Variants in SLC4A10 observed in about 807,000 individuals in gnomAD.
SLC4A10 encodes the protein solute carrier family 4 member 10.
Under a neutral mutation model 137.7 loss-of-function variants are expected in SLC4A10, and 42 were observed. The ratio of observed to expected loss-of-function variants is 0.30; its 90% confidence interval spans 0.24 to 0.39. The LOEUF (loss-of-function observed/expected upper bound fraction) is 0.39. SLC4A10 is among the 10% of genes least tolerant of loss of function. SLC4A10 has a pLI of 1.00. For missense variants in SLC4A10, 925 were observed against 1,355.0 expected (o/e 0.68, Z 4.98); for synonymous variants, 474 against 464.1 (o/e 1.02, Z -0.27).
chr2:161,713,824 C>T (rs975339163), intron 1 of SLC4A10, among the ~76,000 whole-genome samples: 5 of 151,832 alleles, frequency 3.3e-5, no homozygotes, highest in South Asian at 4.2e-4. Flanking sequence ...CCTTCTTCTA[C>T]TCCATACACC....
At chr2:161,748,053 T>C (rs1234926520) in intron 1 of SLC4A10, among the ~76,000 whole-genome samples, 1 of 152,174 alleles carries the variant, frequency 6.6e-6, no homozygotes, top group Non-Finnish European at 1.5e-5. Context: ...GCTCGTCATT[T>C]TTATGTCTTC....
At chr2:161,796,510 C>T (rs961780454) in intron 2 of SLC4A10, among the ~76,000 whole-genome samples, 8 of 152,146 alleles carry the variant, frequency 5.3e-5, no homozygotes, top group Admixed American at 3.3e-4. Context: ...CAGGTAAGAA[C>T]CTATGCATAA....
chr2:161,808,671 G>A (rs926916924), intron 3 of SLC4A10, among the ~76,000 whole-genome samples: 6 of 152,082 alleles, frequency 3.9e-5, no homozygotes, highest in Admixed American at 1.3e-4. Context: ...TGCAGTATTT[G>A]GTTTTCTGTT....
At chr2:161,643,966 A>T (rs3849340) in intron 1 of SLC4A10, among the ~76,000 whole-genome samples, 133,318 of 152,064 alleles carry the variant, frequency 0.88, 58,963 homozygotes, top group East Asian at 1. Context: ...ATAATTCATG[A>T]TTATGATGGC....
At chr2:161,832,962 G>T (rs2058531198) in intron 3 of SLC4A10, among the ~76,000 whole-genome samples, 1 of 152,224 alleles carries the variant, frequency 6.6e-6, no homozygotes, top group East Asian at 1.9e-4. Context: ...GGATGGTCTC[G>T]ATCTGCTGAC....
chr2:161,924,999 A>C (rs1012958680), intron 15 of SLC4A10, among the ~76,000 whole-genome samples: 1 of 152,164 alleles, frequency 6.6e-6, no homozygotes, highest in African/African-American at 2.4e-5. Flanking sequence ...TTTTGGAAGA[A>C]TACCTTATAG....
chr2:161,921,516 CA>C (rs1223220657), intron 15 of SLC4A10, among the ~76,000 whole-genome samples: 1 of 151,840 alleles, frequency 6.6e-6, no homozygotes, highest in Non-Finnish European at 1.5e-5. Flanking sequence ...GGGAAGAAAG[CA>C]AAAAAACTAA....
chr2:161,756,936 A>G (rs1401507226), intron 1 of SLC4A10, among the ~76,000 whole-genome samples: 2 of 152,160 alleles, frequency 1.3e-5, no homozygotes, highest in Non-Finnish European at 2.9e-5. Flanking sequence ...GAATTTTATT[A>G]TTGCTAATGT....
chr2:161,797,888 A>T (rs1209528517), intron 2 of SLC4A10, among the ~76,000 whole-genome samples: 1 of 151,932 alleles, frequency 6.6e-6, no homozygotes, highest in Non-Finnish European at 1.5e-5. Flanking sequence ...GACTTTCAAG[A>T]TTTCTACTTT....
At chr2:161,825,916 GC>G (rs536145818) in intron 3 of SLC4A10, among the ~76,000 whole-genome samples, 51 of 152,298 alleles carry the variant, frequency 3.3e-4, no homozygotes, top group African/African-American at 1.2e-3. Context: ...GGTTTTTAGA[GC>G]ATGGTTTGCA....
intron 1 of SLC4A10, among the ~76,000 whole-genome samples, chr2:161,670,432 T>G (rs557561215): frequency 6.6e-6 from 1 of 152,168 alleles, no homozygotes; most frequent in South Asian, 2.1e-4. Context: ...TTTGAGTTTT[T>G]CAGTCATTCC....
At chr2:161,856,184 A>G (rs190859612) in intron 5 of SLC4A10, among the ~76,000 whole-genome samples, 92 of 152,188 alleles carry the variant, frequency 6.0e-4, no homozygotes, top group African/African-American at 2.1e-3. Flanking sequence ...TGTCTGAAGA[A>G]AAAGAAATGT....
intron 3 of SLC4A10, among the ~76,000 whole-genome samples, chr2:161,833,103 A>C (rs975461628): frequency 7.9e-5 from 12 of 152,216 alleles, no homozygotes; most frequent in African/African-American, 2.7e-4. Context: ...ATGAGAGGAA[A>C]ATTTATGACT....
intron 2 of SLC4A10, among the ~76,000 whole-genome samples, chr2:161,802,938 G>C (rs909533545): frequency 6.6e-6 from 1 of 152,036 alleles, no homozygotes; most frequent in Non-Finnish European, 1.5e-5. Flanking sequence ...AGTCACATTT[G>C]GGGTTGGGAC....
intron 1 of SLC4A10, among the ~76,000 whole-genome samples, chr2:161,763,399 T>G (rs2050452502): frequency 6.6e-6 from 1 of 151,964 alleles, no homozygotes; most frequent in Non-Finnish European, 1.5e-5. Context: ...ATAAAGAAAG[T>G]TTAATGAACG....
chr2:161,675,147 G>C (rs2040144630), intron 1 of SLC4A10, among the ~76,000 whole-genome samples: 1 of 152,178 alleles, frequency 6.6e-6, no homozygotes, highest in Non-Finnish European at 1.5e-5. Context: ...GTGTGACAGT[G>C]GTCCTTAAAG....
At chr2:161,653,015 C>T (rs1419586445) in intron 1 of SLC4A10, among the ~76,000 whole-genome samples, 19 of 152,034 alleles carry the variant, frequency 1.2e-4, no homozygotes, top group Non-Finnish European at 1.5e-5. Context: ...CCCAATCCCT[C>T]GAGAGGCCTC....
In SLC4A10 at chr2:161,941,242, C is replaced by T. The variant is rs183809395; in HGVS notation, c.1998-1550C>T. On this transcript the variant is annotated intron_variant, in intron 15 of 26. Transcript: ENST00000446997. ...TAAAATTTTTTTCTCTTTATAATGTCTACTGAAAAAGTAGCAAAATCTACT... is the reference window on the plus strand; with the variant it reads ...TAAAATTTTTTTCTCTTTATAATGTTTACTGAAAAAGTAGCAAAATCTACT... Among the ~76,000 whole-genome samples the T allele has an allele frequency of 2.2e-4, 34 of 152,228 alleles. No homozygotes were observed. The East Asian group carries it at 4.4e-3, about 20-fold the overall frequency.
intron 1 of SLC4A10, among the ~76,000 whole-genome samples, chr2:161,754,163 A>G (rs1258314092): frequency 6.6e-6 from 1 of 151,954 alleles, no homozygotes; most frequent in Non-Finnish European, 1.5e-5. Context: ...CGGCCTCCCA[A>G]AGTGCTGGGA....
Sources: gnomAD v4.1 joint callset for allele counts (sites outside exome capture counted in the v4.1 genomes callset) on GRCh38, gnomAD v4.1.1 for gene constraint, MANE v1.5 for transcripts, NCBI Gene and HGNC (gene_info 2026-07-23, HGNC 2026-07-21) for gene names.